SPAG6: variants seen among roughly 807,000 people sequenced by gnomAD.
The protein encoded by SPAG6 is sperm associated antigen 6, also known as sperm-associated antigen 6.
In SPAG6, 49 loss-of-function variants were observed where a neutral mutation model predicts 58.5. The ratio of observed to expected loss-of-function variants is 0.84; its 90% CI spans 0.67 to 1.06. The LOEUF (loss-of-function observed/expected upper bound fraction) is 1.06, where lower values mean the gene tolerates loss of function less well. SPAG6 is among the 50% of genes least tolerant of loss of function. The pLI is 0.00. For synonymous variants in SPAG6, 233 were observed against 225.6 expected (o/e 1.03, Z -0.29); for missense variants, 560 against 611.3 (o/e 0.92, Z 0.89).
intron 9 of SPAG6, among the ~76,000 whole-genome samples, chr10:22,409,294 A>G (rs538580756): frequency 6.6e-6 from 1 of 152,318 alleles, no homozygotes; most frequent in South Asian, 2.1e-4. Context: ...AAATATGTAA[A>G]ACCAATATAT....
chr10:22,369,413 A>C (rs1389315892), intron 4 of SPAG6, among the ~76,000 whole-genome samples: 1 of 152,240 alleles, frequency 6.6e-6, no homozygotes, highest in African/African-American at 2.4e-5. Context: ...TTTTAAAATA[A>C]ACATATGTAA....
intron 8 of SPAG6, among the ~76,000 whole-genome samples, chr10:22,394,600 C>A (rs758801280): frequency 2.0e-5 from 3 of 152,148 alleles, no homozygotes; most frequent in Non-Finnish European, 2.9e-5. Flanking sequence ...AAATGCTACC[C>A]ATTAGCTGTG....
At chr10:22,375,010 T>C (rs1263093287) in intron 4 of SPAG6, among the ~76,000 whole-genome samples, 1 of 152,236 alleles carries the variant, frequency 6.6e-6, no homozygotes, top group East Asian at 1.9e-4. Flanking sequence ...TCTTTGTTTT[T>C]GGCTTTATGC....
chr10:22,391,184 TA>T (rs1384205149), intron 7 of SPAG6, among the ~76,000 whole-genome samples: 1 of 152,208 alleles, frequency 6.6e-6, no homozygotes, highest in East Asian at 1.9e-4. Flanking sequence ...AACTATAATT[TA>T]AAAGTTGACC....
At chr10:22,374,890 G>A (rs1034228070) in intron 4 of SPAG6, among the ~76,000 whole-genome samples, 2 of 152,310 alleles carry the variant, frequency 1.3e-5, no homozygotes, top group African/African-American at 4.8e-5. Context: ...AGTCCTTGGC[G>A]TAGAAATAAC....
At chr10:22,383,616 C>G (rs1483816408) in intron 4 of SPAG6, among the ~76,000 whole-genome samples, 2 of 150,828 alleles carry the variant, frequency 1.3e-5, no homozygotes, top group African/African-American at 4.9e-5. Context: ...CCAGCCTGGG[C>G]AACAGAGCAA....
intron 2 of SPAG6, chr10:22,360,911 C>A (rs749817201): frequency 2.1e-6 from 2 of 974,886 alleles, no homozygotes; most frequent in Non-Finnish European, 1.6e-6. Flanking sequence ...TTCCTTCCTT[C>A]CATTGTCACC....
At chr10:22,347,324 C>T (rs1312877270) in intron 2 of SPAG6, among the ~76,000 whole-genome samples, 1 of 151,912 alleles carries the variant, frequency 6.6e-6, no homozygotes, top group African/African-American at 2.4e-5. Flanking sequence ...TCCAAGTACC[C>T]AGAACAATAC....
intron 9 of SPAG6, among the ~76,000 whole-genome samples, chr10:22,406,251 T>C (rs917030813): frequency 6.6e-6 from 1 of 152,196 alleles, no homozygotes; most frequent in Non-Finnish European, 1.5e-5. Context: ...TTTGGATCTT[T>C]CCTGCTTTCT....
At chr10:22,376,349 A>G (rs1833814045) in intron 4 of SPAG6, among the ~76,000 whole-genome samples, 1 of 152,176 alleles carries the variant, frequency 6.6e-6, no homozygotes, top group Admixed American at 6.5e-5. Flanking sequence ...TTGAAATTAT[A>G]TTTGAGATAT....
chr10:22,367,929 A>G (rs1837243403), intron 3 of SPAG6, among the ~76,000 whole-genome samples: 1 of 152,214 alleles, frequency 6.6e-6, no homozygotes, highest in Admixed American at 6.5e-5. Flanking sequence ...AAAGTTTTAA[A>G]ATGTGTCATG....
intron 4 of SPAG6, among the ~76,000 whole-genome samples, chr10:22,377,288 C>A (rs1833839033): frequency 6.6e-6 from 1 of 152,136 alleles, no homozygotes. Context: ...GGCGACTGCC[C>A]CAGCTGACAA....
rs1309251692 is a variant in SPAG6, at chr10:22,417,477, A to G, written c.*789A>G. Reference sequence around the variant, plus strand: ...CCTAACGTCACTTTCCCAAGTTTCAAAAGTCACATTTTCAGGTATTTAAGG... The same window carrying G: ...CCTAACGTCACTTTCCCAAGTTTCAGAAGTCACATTTTCAGGTATTTAAGG... On this transcript the variant is annotated 3_prime_UTR_variant, in exon 11 of 11. Transcript: ENST00000376624. The G allele has an allele frequency of 6.6e-6, 1 of 152,236 alleles. No individual in the cohort carries two copies. The highest frequency in any genetic ancestry group is 1.5e-5 in the Non-Finnish European group (1 of 68,044). 9.4% of individuals were successfully genotyped at this position (152,236 alleles called of 1,614,324 possible). A position where few individuals can be genotyped will look rare whatever the true frequency, so the allele number is the denominator to read the frequency against.
At chr10:22,353,493 G>A (rs771139095) in intron 2 of SPAG6, among the ~76,000 whole-genome samples, 6 of 152,188 alleles carry the variant, frequency 3.9e-5, no homozygotes, top group Non-Finnish European at 7.3e-5. Flanking sequence ...AAAGTGCTAC[G>A]CACGTACCTG....
At chr10:22,403,279 C>A (rs968574219) in intron 9 of SPAG6, among the ~76,000 whole-genome samples, 1 of 152,126 alleles carries the variant, frequency 6.6e-6, no homozygotes, top group Non-Finnish European at 1.5e-5. Flanking sequence ...TGCTATCCCT[C>A]CCCCCAACCC....
At chr10:22,391,221 A>G (rs1834176328) in intron 7 of SPAG6, among the ~76,000 whole-genome samples, 1 of 152,190 alleles carries the variant, frequency 6.6e-6, no homozygotes, top group Non-Finnish European at 1.5e-5. Context: ...TTATTTATGT[A>G]CTGTTTCAGG....
rs1356582787 is a variant in SPAG6, at chr10:22,345,992, C to T, written c.121+174C>T. ...GGGTCAGGCCGAGAGGGTGAAGCTTCCAGATGGTTGTGGGAGGTGCGCGTT... is the reference window on the plus strand; with the variant it reads ...GGGTCAGGCCGAGAGGGTGAAGCTTTCAGATGGTTGTGGGAGGTGCGCGTT... On this transcript the variant is annotated intron_variant, in intron 2 of 10. Transcript: ENST00000376624. The surrounding 1 kb of genome is among the most constrained non-coding windows in gnomAD (Gnocchi z 6.3). 5.2e-6 allele frequency: 8 copies of T among 1,548,498 alleles called. No homozygotes were observed. The highest frequency in any genetic ancestry group is 7.0e-6 in the Non-Finnish European group (8 of 1,146,106).
At chr10:22,355,580 TA>T (rs1353916290) in intron 2 of SPAG6, among the ~76,000 whole-genome samples, 1 of 152,252 alleles carries the variant, frequency 6.6e-6, no homozygotes, top group Non-Finnish European at 1.5e-5. Flanking sequence ...GAATTCTATG[TA>T]AAAAGGCCAT....
chr10:22,414,266 A>C (rs930188582), intron 10 of SPAG6, among the ~76,000 whole-genome samples: 4 of 152,172 alleles, frequency 2.6e-5, no homozygotes, highest in African/African-American at 9.7e-5. Flanking sequence ...GTCTAGGATA[A>C]GGTTAATTCG....
Sources: allele counts gnomAD v4.1 joint callset (sites outside exome capture counted in the v4.1 genomes callset), GRCh38; gene constraint gnomAD v4.1.1; non-coding constraint Gnocchi (gnomAD v3.1); transcripts MANE v1.5; gene names NCBI Gene and HGNC (gene_info 2026-07-23, HGNC 2026-07-21).